The following GRK3 variants were observed in gnomAD, a reference collection of about 807,000 sequenced individuals.
GRK3 encodes the protein G protein-coupled receptor kinase 3.
Under a neutral mutation model 95.7 loss-of-function variants are expected in GRK3, and 54 were observed. That is an observed-to-expected ratio of 0.56 (90% CI 0.45 to 0.71). The LOEUF is 0.71. Among genes scored for constraint, GRK3 ranks in the 30% least tolerant of loss-of-function variants. The pLI, the probability that GRK3 is intolerant of heterozygous loss-of-function variation, is 0.00. For missense variants in GRK3, 649 were observed against 851.2 expected (o/e 0.76, Z 2.96); for synonymous variants, 281 against 290.8 (o/e 0.97, Z 0.34).
At chr22:25,680,762 T>C (rs779006826) in intron 9 of GRK3, among the ~76,000 whole-genome samples, 112 of 152,176 alleles carry the variant, frequency 7.4e-4, no homozygotes, top group Non-Finnish European at 1.2e-3. Flanking sequence ...ACAAAAATAA[T>C]TATAGTAAAG....
intron 6 of GRK3, among the ~76,000 whole-genome samples, chr22:25,670,828 C>T (rs981407404): frequency 2.1e-5 from 3 of 140,688 alleles, no homozygotes; most frequent in African/African-American, 2.7e-5. Context: ...CCGAGGCGGG[C>T]GGATCGAGAC....
chr22:25,695,877 C>T (rs1298738448), intron 13 of GRK3, among the ~76,000 whole-genome samples: 1 of 150,788 alleles, frequency 6.6e-6, no homozygotes, highest in Non-Finnish European at 1.5e-5. Flanking sequence ...CTCTGTCTCC[C>T]AGGCTGGAGT....
chr22:25,655,124 C>T (rs1317305304), intron 3 of GRK3, among the ~76,000 whole-genome samples: 1 of 152,110 alleles, frequency 6.6e-6, no homozygotes, highest in East Asian at 1.9e-4. Context: ...CTCTAGAAAA[C>T]TCTTGTCAGG....
chr22:25,619,496 G>C (rs1182329136), intron 2 of GRK3, among the ~76,000 whole-genome samples: 1 of 151,954 alleles, frequency 6.6e-6, no homozygotes, highest in Non-Finnish European at 1.5e-5. Flanking sequence ...TGTTGTCGTT[G>C]TTTTCGATAA....
chr22:25,637,439 T>G (rs1287586810), intron 2 of GRK3, among the ~76,000 whole-genome samples: 1 of 152,250 alleles, frequency 6.6e-6, no homozygotes, highest in Non-Finnish European at 1.5e-5. Context: ...TTGTTTTGTT[T>G]TATTGCTGAA....
intron 2 of GRK3, among the ~76,000 whole-genome samples, chr22:25,637,941 C>G (rs2084714781): frequency 6.6e-6 from 1 of 152,178 alleles, no homozygotes; most frequent in Non-Finnish European, 1.5e-5. Flanking sequence ...TTCAGGCTTT[C>G]AGCTGATTGG....
intron 6 of GRK3, among the ~76,000 whole-genome samples, chr22:25,671,714 A>C (rs1372400501): frequency 1.3e-5 from 2 of 152,236 alleles, no homozygotes; most frequent in African/African-American, 4.8e-5. Flanking sequence ...GGAGGAATAC[A>C]TGAGCAGGCC....
chr22:25,606,363 T>A (rs2084446806), intron 2 of GRK3, among the ~76,000 whole-genome samples: 1 of 152,144 alleles, frequency 6.6e-6, no homozygotes, highest in Admixed American at 6.5e-5. Flanking sequence ...CACACCACCA[T>A]CTGTAATTAC....
intron 6 of GRK3, among the ~76,000 whole-genome samples, chr22:25,671,803 C>T (rs1296601847): frequency 6.6e-6 from 1 of 152,154 alleles, no homozygotes; most frequent in Non-Finnish European, 1.5e-5. Flanking sequence ...CCATGGCTGT[C>T]CAATATGGTA....
chr22:25,603,314 C>T (rs1008641783), intron 1 of GRK3, among the ~76,000 whole-genome samples: 4 of 152,200 alleles, frequency 2.6e-5, no homozygotes, highest in African/African-American at 9.6e-5. Context: ...TTGTTCACTC[C>T]CACCATCAGT....
intron 16 of GRK3, among the ~76,000 whole-genome samples, chr22:25,710,479 T>C (rs2085335574): frequency 6.6e-6 from 1 of 152,226 alleles, no homozygotes; most frequent in Non-Finnish European, 1.5e-5. Flanking sequence ...TTAAGCTTCA[T>C]TATATTTGCG....
intron 9 of GRK3, among the ~76,000 whole-genome samples, chr22:25,683,513 C>G (rs79367194): frequency 2.0e-5 from 3 of 152,352 alleles, no homozygotes; most frequent in Non-Finnish European, 4.4e-5. Context: ...TATGAAAGTT[C>G]TATTCACTGT....
Position 25,724,915 on chromosome 22 carries a change from C to G in GRK3, c.*2465C>G, listed in dbSNP as rs191983631. The G allele has an allele frequency of 6.6e-6, 1 of 152,172 alleles. No homozygotes were observed. Among genetic ancestry groups the G allele is most frequent in the East Asian group, 1.9e-4 (1 of 5,178 alleles). The allele number at this position is 152,172 out of a possible 1,614,324, so 9.4% of individuals were successfully genotyped here. On this transcript the variant is annotated 3_prime_UTR_variant, in exon 21 of 21. Coordinates refer to ENST00000324198, the MANE Select transcript of GRK3 (RefSeq NM_005160.4). Reference sequence around the variant, plus strand: ...TCGCTCTGTCACCCAGGCTGGAGAACAGTGGGATGATCATGGCTCACTGCA... The same window carrying G: ...TCGCTCTGTCACCCAGGCTGGAGAAGAGTGGGATGATCATGGCTCACTGCA...
At chr22:25,716,786 G>T (rs1382783244) in intron 18 of GRK3, among the ~76,000 whole-genome samples, 4 of 152,212 alleles carry the variant, frequency 2.6e-5, no homozygotes, top group Non-Finnish European at 4.4e-5. Flanking sequence ...AACCCCCAGT[G>T]GGGAGGCCAG....
intron 18 of GRK3, chr22:25,715,185 A>T (rs2095981395): frequency 1.3e-5 from 2 of 152,236 alleles, no homozygotes; most frequent in African/African-American, 4.8e-5. Flanking sequence ...AGTTAAATAT[A>T]TAAAGACATT....
rs1055223218 is a variant in GRK3, at chr22:25,592,561, G to C, written c.114-11816G>C. Among the ~76,000 whole-genome samples the C allele has an allele frequency of 2.0e-5, 3 of 151,376 alleles. 1 individual carries two copies. The highest frequency in any genetic ancestry group is 4.4e-5 in the Non-Finnish European group (3 of 67,844). On this transcript the variant is annotated intron_variant, in intron 1 of 20. Transcript: ENST00000324198. Reference sequence around the variant, plus strand: ...AGTCTTTGCTTGAACTAGTCACAAAGTTTTTTTTTATATTTTCTTTGAGAA... The same window carrying C: ...AGTCTTTGCTTGAACTAGTCACAAACTTTTTTTTTATATTTTCTTTGAGAA...
At chr22:25,588,868 A>T (rs1320835925) in intron 1 of GRK3, among the ~76,000 whole-genome samples, 1 of 151,812 alleles carries the variant, frequency 6.6e-6, no homozygotes, top group Non-Finnish European at 1.5e-5. Flanking sequence ...CCCTGGGCTC[A>T]AGTAATTCTC....
chr22:25,616,387 G>GGAGAGA (rs143019947), intron 2 of GRK3, among the ~76,000 whole-genome samples: 187 of 149,724 alleles, frequency 1.2e-3, no homozygotes, highest in African/African-American at 4.4e-3. Flanking sequence ...AGAGAGGGAG[G>GGAGAGA]GAGAGAGAGA....
chr22:25,588,211 A>G lies in GRK3; in HGVS notation c.114-16166A>G, dbSNP rs529659321. 5.0e-4 allele frequency among the ~76,000 whole-genome samples: 76 copies of G among 152,320 alleles called. No individual in the cohort carries two copies. The South Asian group carries it at 0.012, about 23-fold the overall frequency. On this transcript the variant is annotated intron_variant, in intron 1 of 20. Transcript: ENST00000324198. ...TCATTCAGCTGGTGTCTGTTTGGGG[A>G]TGATTTTTGTATCTGATGACTGTGG...
Sources: allele counts gnomAD v4.1 joint callset (sites outside exome capture counted in the v4.1 genomes callset), GRCh38; gene constraint gnomAD v4.1.1; transcripts MANE v1.5; gene names NCBI Gene and HGNC (gene_info 2026-07-23, HGNC 2026-07-21).